Variants in BRD10 observed in about 807,000 individuals in gnomAD.
BRD10 encodes the protein uncharacterized bromodomain-containing protein 10.
the BRD10 span, among the ~76,000 whole-genome samples, chr9:6,001,385 G>A: frequency 1.3e-5 from 2 of 152,118 alleles, no homozygotes; most frequent in Non-Finnish European, 2.9e-5. Context: ...AGCATTCACG[G>A]TACTTTATGA....
the BRD10 span, among the ~76,000 whole-genome samples, chr9:5,959,700 A>G: frequency 2.3e-3 from 353 of 152,318 alleles, 2 homozygotes; most frequent in Middle Eastern, 0.014. Context: ...TAACCTTTTC[A>G]CAGATACGGG....
At chr9:5,912,134 C>T in the BRD10 span, among the ~76,000 whole-genome samples, 1 of 151,960 alleles carries the variant, frequency 6.6e-6, no homozygotes, top group Non-Finnish European at 1.5e-5. Flanking sequence ...ATTTTATTTG[C>T]AGCTATTGTA....
the BRD10 span, chr9:6,007,312 G>A: frequency 6.2e-7 from 1 of 1,613,768 alleles, no homozygotes; most frequent in Non-Finnish European, 8.5e-7. Context: ...CCTGAAGTCC[G>A]CCACGAACTC....
the BRD10 span, among the ~76,000 whole-genome samples, chr9:5,971,294 A>G: frequency 2.0e-5 from 3 of 152,198 alleles, no homozygotes; most frequent in Non-Finnish European, 4.4e-5. Flanking sequence ...AAGAAACTAG[A>G]AACCTCATAC....
At chr9:5,992,601 C>A in the BRD10 span, among the ~76,000 whole-genome samples, 1 of 152,092 alleles carries the variant, frequency 6.6e-6, no homozygotes, top group East Asian at 1.9e-4. Flanking sequence ...TTAGGGAAAT[C>A]ATTTCATGAA....
chr9:6,006,870 T>C, the BRD10 span, among the ~76,000 whole-genome samples: 1 of 152,226 alleles, frequency 6.6e-6, no homozygotes, highest in African/African-American at 2.4e-5. Context: ...AGGTCCAACT[T>C]CCATCCCACA....
chr9:5,971,052 CAAAAAAA>C, the BRD10 span, among the ~76,000 whole-genome samples: 26 of 43,198 alleles, frequency 6.0e-4, no homozygotes, highest in East Asian at 9.1e-4. Context: ...AGCAACGTCT[CAAAAAAA>C]AAAAAAAAAA....
chr9:5,936,920 T>C, the BRD10 span, among the ~76,000 whole-genome samples: 2 of 152,114 alleles, frequency 1.3e-5, no homozygotes. Context: ...TGAATAAGGG[T>C]ATGTGATACG....
chr9:5,923,227 C>T, the BRD10 span: 49 of 1,613,778 alleles, frequency 3.0e-5, no homozygotes, highest in Admixed American at 1.0e-4. Context: ...GCAGTGTCTT[C>T]GGTAAGTCTT....
the BRD10 span, among the ~76,000 whole-genome samples, chr9:5,934,649 A>T: frequency 6.6e-6 from 1 of 152,098 alleles, no homozygotes; most frequent in Non-Finnish European, 1.5e-5. Flanking sequence ...TACAGACACG[A>T]GCCACTGCGC....
chr9:5,989,794 G>C, the BRD10 span, among the ~76,000 whole-genome samples: 869 of 152,270 alleles, frequency 5.7e-3, 10 homozygotes, highest in African/African-American at 0.02. Context: ...CTCCCAAAGT[G>C]CTGGGATTAC....
the BRD10 span, chr9:5,968,520 T>C: frequency 6.2e-7 from 1 of 1,613,004 alleles, no homozygotes; most frequent in Non-Finnish European, 8.5e-7. Context: ...CGAATTCTAA[T>C]TTCATAGTTG....
chr9:5,963,710 T>C, the BRD10 span, among the ~76,000 whole-genome samples: 1 of 152,006 alleles, frequency 6.6e-6, no homozygotes, highest in East Asian at 1.9e-4. Context: ...AACAGAGATA[T>C]AGATCCATGG....
At chr9:5,921,886 T>A in the BRD10 span, 8 of 1,613,882 alleles carry the variant, frequency 5.0e-6, no homozygotes, top group Admixed American at 1.3e-4. Flanking sequence ...CTAATGTAAG[T>A]TTGAGATTTT....
chr9:5,930,694 G>A, the BRD10 span, among the ~76,000 whole-genome samples: 2 of 152,048 alleles, frequency 1.3e-5, no homozygotes, highest in Non-Finnish European at 2.9e-5. Flanking sequence ...TTCAAGAAAA[G>A]TAATTTTTAT....
At chr9:5,941,439 A>G in the BRD10 span, among the ~76,000 whole-genome samples, 12 of 152,348 alleles carry the variant, frequency 7.9e-5, no homozygotes, top group South Asian at 2.1e-4. Flanking sequence ...GTCAAACTAC[A>G]TATTTATCTC....
chr9:5,916,596 A>T, the BRD10 span, among the ~76,000 whole-genome samples: 1 of 151,416 alleles, frequency 6.6e-6, no homozygotes, highest in Non-Finnish European at 1.5e-5. Context: ...CATATATATA[A>T]AACTAATCAC....
the BRD10 span, chr9:5,969,249 A>C: frequency 1.2e-6 from 2 of 1,613,516 alleles, no homozygotes; most frequent in Admixed American, 1.7e-5. Context: ...CAACGTTCCA[A>C]TTCGTAAAAG....
At chr9:5,943,478 C>G in the BRD10 span, among the ~76,000 whole-genome samples, 1 of 150,986 alleles carries the variant, frequency 6.6e-6, no homozygotes, top group South Asian at 2.1e-4. Flanking sequence ...CAGTAACACT[C>G]TGATATTTTA....
Sources: gnomAD v4.1 joint callset for allele counts (sites outside exome capture counted in the v4.1 genomes callset) on GRCh38, gnomAD v4.1.1 for gene constraint, MANE v1.5 for transcripts, NCBI Gene and HGNC (gene_info 2026-07-23, HGNC 2026-07-21) for gene names.